Variants in MB21D2 observed in about 807,000 individuals in gnomAD.
MB21D2 encodes the protein nucleotidyltransferase MB21D2.
In MB21D2, 9 loss-of-function variants were observed where a neutral mutation model predicts 33.3. The observed-to-expected ratio is 0.27, with a 90% CI of 0.16 to 0.47. MB21D2 has a LOEUF of 0.47. Ranked by LOEUF, MB21D2 falls within the 20% of genes least tolerant of loss-of-function variation. The pLI, the probability that MB21D2 is intolerant of heterozygous loss-of-function variation, is 0.99. For missense variants in MB21D2, 540 were observed against 624.6 expected, an observed-to-expected ratio of 0.86 and a Z score of 1.44; for synonymous variants, 241 against 236.3, an observed-to-expected ratio of 1.02 and a Z score of -0.18.
At chr3:192,815,563 G>C (rs939242846) in intron 1 of MB21D2, among the ~76,000 whole-genome samples, 2 of 152,198 alleles carry the variant, frequency 1.3e-5, no homozygotes, top group African/African-American at 4.8e-5. Context: ...TGTCAAGTTA[G>C]AGGAAGGAAT....
chr3:192,816,956 CAG>C (rs1711939509), intron 1 of MB21D2, among the ~76,000 whole-genome samples: 1 of 152,054 alleles, frequency 6.6e-6, no homozygotes, highest in Non-Finnish European at 1.5e-5. Flanking sequence ...AAGCTCCAAG[CAG>C]AGTTTCTGGA....
intron 1 of MB21D2, among the ~76,000 whole-genome samples, chr3:192,840,415 CTTTTTTTTTTTTTTTTTT>C (rs71177380): frequency 2.9e-3 from 255 of 88,334 alleles, no homozygotes; most frequent in African/African-American, 0.011. Flanking sequence ...TCTCTTTTTT[CTTTTTTTTTTTTTTTTTT>C]TTTTTTTGCT....
At chr3:192,821,799 A>C (rs1393345778) in intron 1 of MB21D2, among the ~76,000 whole-genome samples, 1 of 152,184 alleles carries the variant, frequency 6.6e-6, no homozygotes, top group African/African-American at 2.4e-5. Flanking sequence ...ATGGGCCGTC[A>C]GGGTCCTGGA....
chr3:192,885,721 A>G (rs1300473382), intron 1 of MB21D2, among the ~76,000 whole-genome samples: 1 of 152,120 alleles, frequency 6.6e-6, no homozygotes, highest in African/African-American at 2.4e-5. Context: ...CAGGGCCACA[A>G]GGCCACAGCA....
intron 1 of MB21D2, among the ~76,000 whole-genome samples, chr3:192,857,464 C>T (rs1325579784): frequency 6.6e-6 from 1 of 152,184 alleles, no homozygotes; most frequent in Non-Finnish European, 1.5e-5. Context: ...CAGGCATCTC[C>T]AACCCAGGCC....
At chr3:192,860,166 T>G (rs757476786) in intron 1 of MB21D2, among the ~76,000 whole-genome samples, 2 of 151,972 alleles carry the variant, frequency 1.3e-5, no homozygotes, top group Admixed American at 1.3e-4. Context: ...CATGGCCGAG[T>G]AGTTTTCTGA....
intron 1 of MB21D2, among the ~76,000 whole-genome samples, chr3:192,814,186 C>T (rs968228788): frequency 2.0e-4 from 30 of 151,922 alleles, no homozygotes; most frequent in African/African-American, 6.5e-4. Flanking sequence ...GTATTTCCAT[C>T]GTATAAAGTT....
chr3:192,849,817 C>T (rs932195028), intron 1 of MB21D2, among the ~76,000 whole-genome samples: 1 of 152,150 alleles, frequency 6.6e-6, no homozygotes, highest in African/African-American at 2.4e-5. Flanking sequence ...ATTGCTCACT[C>T]ATATGTCCCA....
In MB21D2 at chr3:192,797,893, A is replaced by C. The variant is rs140395231; in HGVS notation, c.*493T>G. ...ACTCTGGTCACTGGCCAAAATAAAT[A>C]AATCCAGCTAACATGCCAAGTAGTT... On this transcript the variant is annotated 3_prime_UTR_variant, in exon 2 of 2. Coordinates refer to ENST00000392452, the MANE Select transcript of MB21D2 (RefSeq NM_178496.4). 992 of 153,520 alleles carry C rather than the reference A, an allele frequency of 6.5e-3. 12 individuals are homozygous for C. Among genetic ancestry groups the C allele is most frequent in the African/African-American group, 0.022 (913 of 41,590 alleles). 9.5% of individuals were successfully genotyped at this position (153,520 alleles called of 1,614,324 possible).
At chr3:192,915,336 A>C (rs1714440181) in intron 1 of MB21D2, among the ~76,000 whole-genome samples, 1 of 152,246 alleles carries the variant, frequency 6.6e-6, no homozygotes, top group African/African-American at 2.4e-5. Context: ...CTTTAAGCCA[A>C]GCCAAAATCT....
intron 1 of MB21D2, among the ~76,000 whole-genome samples, chr3:192,883,103 G>A (rs1228030506): frequency 6.6e-6 from 1 of 151,990 alleles, no homozygotes; most frequent in African/African-American, 2.4e-5. Flanking sequence ...CCTGATCTCA[G>A]GTAATCCACC....
At chr3:192,822,442 T>C (rs1712080391) in intron 1 of MB21D2, among the ~76,000 whole-genome samples, 1 of 149,864 alleles carries the variant, frequency 6.7e-6, no homozygotes, top group South Asian at 2.2e-4. Context: ...GTAACTTTAT[T>C]CCTCCCACCC....
intron 1 of MB21D2, among the ~76,000 whole-genome samples, chr3:192,827,892 A>G (rs1024754576): frequency 1.3e-5 from 2 of 152,080 alleles, no homozygotes; most frequent in Admixed American, 1.3e-4. Context: ...AGCTCCCATC[A>G]TTACCACCTG....
At chr3:192,887,451 T>C (rs1713757444) in intron 1 of MB21D2, among the ~76,000 whole-genome samples, 1 of 152,160 alleles carries the variant, frequency 6.6e-6, no homozygotes, top group African/African-American at 2.4e-5. Context: ...ACTACTAAAC[T>C]GTACACTTAG....
intron 1 of MB21D2, among the ~76,000 whole-genome samples, chr3:192,908,537 T>A (rs1714261373): frequency 6.6e-6 from 1 of 151,720 alleles, no homozygotes; most frequent in African/African-American, 2.4e-5. Context: ...TAGCTGAGAC[T>A]ACAGCAGCTG....
intron 1 of MB21D2, among the ~76,000 whole-genome samples, chr3:192,876,514 C>T (rs575752942): frequency 8.5e-5 from 13 of 152,310 alleles, no homozygotes; most frequent in Admixed American, 1.3e-4. Context: ...TCCATTCCAC[C>T]GCTTCTCAAC....
chr3:192,811,538 T>C (rs545824329), intron 1 of MB21D2, among the ~76,000 whole-genome samples: 1 of 152,322 alleles, frequency 6.6e-6, no homozygotes, highest in East Asian at 1.9e-4. Context: ...CTTATAAAAC[T>C]AGATCTGAGA....
intron 1 of MB21D2, among the ~76,000 whole-genome samples, chr3:192,895,096 G>T (rs1713937250): frequency 6.6e-6 from 1 of 152,144 alleles, no homozygotes; most frequent in South Asian, 2.1e-4. Flanking sequence ...AGGGGGCCAA[G>T]GGGGCCTGCT....
At chr3:192,852,595 A>G (rs1712830819) in intron 1 of MB21D2, among the ~76,000 whole-genome samples, 1 of 152,234 alleles carries the variant, frequency 6.6e-6, no homozygotes, top group Admixed American at 6.5e-5. Context: ...GAAAAAACAG[A>G]CTAAGTTTCT....
Sources: gnomAD v4.1 joint callset for allele counts (sites outside exome capture counted in the v4.1 genomes callset) on GRCh38, gnomAD v4.1.1 for gene constraint, MANE v1.5 for transcripts, NCBI Gene and HGNC (gene_info 2026-07-23, HGNC 2026-07-21) for gene names.